Variants in TNIP1 observed in about 807,000 individuals in gnomAD.
The protein encoded by TNIP1 is TNFAIP3 interacting protein 1.
TNIP1 carries 22 observed loss-of-function variants against 86.6 expected under a neutral mutation model. That is an observed-to-expected ratio of 0.25 (90% CI 0.18 to 0.36). The LOEUF is 0.36. TNIP1 is among the 10% of genes least tolerant of loss of function. The pLI, the probability that TNIP1 is intolerant of heterozygous loss-of-function variation, is 1.00. For synonymous variants in TNIP1, 294 were observed against 313.0 expected (o/e 0.94, Z 0.64); for missense variants, 709 against 820.6 (o/e 0.86, Z 1.66).
intron 15 of TNIP1, among the ~76,000 whole-genome samples, chr5:151,034,345 A>G (rs538364385): frequency 3.2e-4 from 47 of 148,148 alleles, no homozygotes; most frequent in Admixed American, 1.0e-3. Flanking sequence ...AGGCTGGTAC[A>G]TAGACACGGA....
rs1371066038 is a variant in TNIP1 at position 151,063,745 on chromosome 5, C to A, written c.139G>T (p.Glu47Ter). ...EKMQGIKMLG[E>*]LLEESQMEAT... Reference sequence around the variant, plus strand: ...TCCATCTGGGACTCTTCCAAAAGCTCCCCTAGAGTTATTGGGGAAGAGGAA... The same window carrying A: ...TCCATCTGGGACTCTTCCAAAAGCTACCCTAGAGTTATTGGGGAAGAGGAA... The change falls in exon 3 of 18, where the codon GAG becomes TAG. Residue 47 changes from glutamate to a stop codon, truncating the protein, a stop_gained and splice_region_variant. Coordinates refer to ENST00000521591, the MANE Select transcript of TNIP1 (RefSeq NM_006058.5). LOFTEE classifies it high-confidence loss of function. 6.2e-7 allele frequency: 1 copy of A among 1,612,798 alleles called. No individual in the cohort carries two copies. Among genetic ancestry groups the A allele is most frequent in the Middle Eastern group, 1.7e-4 (1 of 5,982 alleles).
rs1321541943 is a variant in TNIP1 at position 151,056,948 on chromosome 5, G to A, written c.445C>T (p.Pro149Ser). The A allele has an allele frequency of 1.3e-6, 2 of 1,519,902 alleles. No homozygotes were observed. Among genetic ancestry groups the A allele is most frequent in the East Asian group, 2.6e-5 (1 of 39,172 alleles). 94.2% of individuals were successfully genotyped at this position (1,519,902 alleles called of 1,614,324 possible). ...AGGTTGCCGTCCTCACGGGGCAGGGGGCCCAGCGCCTGGAGAGGGAAAGGG... is the reference window on the plus strand; with the variant it reads ...AGGTTGCCGTCCTCACGGGGCAGGGAGCCCAGCGCCTGGAGAGGGAAAGGG... ...SSHANAMALG[P>S]LPREDGNLML... The change falls in exon 6 of 18, where the codon CCC becomes TCC. Residue 149 changes from proline (P) to serine (S), a missense_variant. By Grantham distance (74) the Pro-to-Ser change is moderately conservative (BLOSUM62 -1). Coordinates refer to ENST00000521591, the MANE Select transcript of TNIP1 (RefSeq NM_006058.5).
chr5:151,059,054 T>A (rs979487418), intron 5 of TNIP1, among the ~76,000 whole-genome samples: 6 of 152,204 alleles, frequency 3.9e-5, no homozygotes, highest in African/African-American at 2.4e-5. Context: ...CAGATGCTGC[T>A]CTATTTAAGG....
chr5:151,052,111 C>A (rs2233293), intron 7 of TNIP1, 54 bp downstream of exon 7: 5 of 1,528,628 alleles, frequency 3.3e-6, no homozygotes, highest in South Asian at 1.1e-5. Flanking sequence ...GCACACCAGC[C>A]CCTCCTCCTG....
At position 151,052,210 on chromosome 5, in the gene TNIP1, A is replaced by C; in HGVS notation, c.677T>G (p.Leu226Trp). ...ATCCCGCTGTTCCAGGCCCTTATCC[A>C]ACTTGGCCTTCAGAGCCTCGTTCTC... ...RKENEALKAK[L>W]DKGLEQRDQA... Residue 226 changes from leucine to tryptophan, a missense_variant, in exon 7 of 18, where the codon TTG (leucine) becomes TGG (tryptophan). Leu to Trp is a moderately conservative substitution (Grantham distance 61). Transcript: ENST00000521591. The C allele has an allele frequency of 6.2e-7, 1 of 1,613,974 alleles. No homozygotes were observed. Among genetic ancestry groups the C allele is most frequent in the Non-Finnish European group, 8.5e-7 (1 of 1,179,976 alleles).
intron 17 of TNIP1, among the ~76,000 whole-genome samples, chr5:151,031,885 G>A (rs549115750): frequency 8.5e-5 from 13 of 152,238 alleles, no homozygotes; most frequent in East Asian, 1.9e-4. Flanking sequence ...CTGCCCCCCC[G>A]GTCTAGGTCG....
At chr5:151,059,408 A>T (rs956971473) in intron 5 of TNIP1, among the ~76,000 whole-genome samples, 3 of 152,206 alleles carry the variant, frequency 2.0e-5, no homozygotes, top group African/African-American at 7.2e-5. Flanking sequence ...AGTTAGCCAG[A>T]CAGCCACCTG....
Position 151,039,812 on chromosome 5 carries a change from G to A in TNIP1, c.1135-587C>T, listed in dbSNP as rs1188791262. On this transcript the variant is annotated intron_variant, in intron 11 of 17. Transcript: ENST00000521591. The stretch of plus-strand genomic sequence containing the variant: ...AGAGAACTGTGACATAAGGCAGAGA[G>A]TGCTCCTCCAGAAAGAAACAAAATA... Among the ~76,000 whole-genome samples, 4 of 152,232 alleles carry A rather than the reference G, an allele frequency of 2.6e-5. No homozygotes were observed. The East Asian group carries it at 7.7e-4, about 29-fold the overall frequency.
intron 1 of TNIP1, among the ~76,000 whole-genome samples, chr5:151,069,441 A>C (rs1034075937): frequency 3.3e-5 from 5 of 152,194 alleles, no homozygotes; most frequent in Non-Finnish European, 5.9e-5. Context: ...CCTGGGAAGA[A>C]GGCAGGGCTG....
chr5:151,035,930 G>C (rs893318567), intron 13 of TNIP1, among the ~76,000 whole-genome samples: 3 of 152,136 alleles, frequency 2.0e-5, no homozygotes, highest in Non-Finnish European at 4.4e-5. Context: ...GACTTTATTT[G>C]AACAAAGGAT....
At position 151,035,621 on chromosome 5, in the gene TNIP1, C is replaced by T. The variant is rs1338073763; in HGVS notation, c.1482G>A (p.Val494=). 3.1e-6 allele frequency: 5 copies of T among 1,614,204 alleles called. No homozygotes were observed. The highest frequency in any genetic ancestry group is 3.4e-6 in the Non-Finnish European group (4 of 1,180,036). ...GGGTGACCTGGGCCTGCAGCTTCTC[C>T]ACTTGCTTCTTCAGCTCTTCCTTCT... ...NEEKEELKKQ[V]EKLQAQVTLS... The change falls in exon 14 of 18, where the codon GTG becomes GTA. Residue 494 remains valine, a synonymous_variant. Transcript: ENST00000521591.
At chr5:151,060,694 T>C (rs1207817349) in intron 4 of TNIP1, among the ~76,000 whole-genome samples, 3 of 152,242 alleles carry the variant, frequency 2.0e-5, no homozygotes, top group Non-Finnish European at 4.4e-5. Flanking sequence ...TAAGGCCGTG[T>C]ACTTTTTAAA....
intron 1 of TNIP1, among the ~76,000 whole-genome samples, chr5:151,086,358 G>A (rs57525278): frequency 0.01 from 1,544 of 152,278 alleles, 28 homozygotes; most frequent in African/African-American, 0.035. Context: ...CTGTGCCCTG[G>A]GCTCTCTGTT....
intron 1 of TNIP1, among the ~76,000 whole-genome samples, chr5:151,070,068 G>A (rs1762667659): frequency 1.3e-5 from 2 of 152,128 alleles, no homozygotes; most frequent in African/African-American, 4.8e-5. Context: ...CACCCTGTGG[G>A]CTGTGAAACC....
chr5:151,052,106 C>G, intron 7 of TNIP1, 59 bp downstream of exon 7: 2 of 1,511,330 alleles, frequency 1.3e-6, no homozygotes, highest in Non-Finnish European at 1.8e-6. Context: ...GTGCTGCACA[C>G]CAGCCCCTCC....
intron 5 of TNIP1, among the ~76,000 whole-genome samples, chr5:151,059,828 A>AGAGAGAGTGT (rs1554076446): frequency 1.8e-3 from 100 of 56,318 alleles, no homozygotes; most frequent in Non-Finnish European, 2.2e-3. Context: ...AGAGAGAGAG[A>AGAGAGAGTGT]GTGTGTGTGT....
intron 1 of TNIP1, among the ~76,000 whole-genome samples, chr5:151,077,953 C>G (rs1010809550): frequency 6.6e-6 from 1 of 152,226 alleles, no homozygotes; most frequent in Non-Finnish European, 1.5e-5. Flanking sequence ...CCAGAAGAGA[C>G]CCAGGTTCCA....
chr5:151,065,317 T>C (rs1486423771), intron 1 of TNIP1, among the ~76,000 whole-genome samples, 186 bp from the exon 2 acceptor site: 6 of 152,308 alleles, frequency 3.9e-5, no homozygotes, highest in Non-Finnish European at 8.8e-5. Context: ...AATACAACCT[T>C]AGAATGGCAT....
chr5:151,085,310 G>A (rs1342178931), upstream of TNIP1, among the ~76,000 whole-genome samples: 1 of 152,184 alleles, frequency 6.6e-6, no homozygotes, highest in Non-Finnish European at 1.5e-5. Context: ...CTTGGCCTCA[G>A]TGAAAGGTAG....
Sources: gnomAD v4.1 joint callset for allele counts (sites outside exome capture counted in the v4.1 genomes callset) on GRCh38, gnomAD v4.1.1 for gene constraint, MANE v1.5 for transcripts, NCBI Gene and HGNC (gene_info 2026-07-23, HGNC 2026-07-21) for gene names.